The following DENND1A variants were observed in gnomAD, a reference collection of about 807,000 sequenced individuals.
DENND1A encodes the protein DENN domain containing 1A, also known as DENN domain-containing protein 1A.
In DENND1A, 51 loss-of-function variants were observed where a neutral mutation model predicts 113.7. That is an observed-to-expected ratio of 0.45 (90% CI 0.36 to 0.57). The LOEUF is 0.57. Among genes scored for constraint, DENND1A ranks in the 20% least tolerant of loss-of-function variants. The pLI is 0.00. For missense variants in DENND1A, 1,258 were observed against 1,395.9 expected, an observed-to-expected ratio of 0.90 and a Z score of 1.57; for synonymous variants, 565 against 570.8, an observed-to-expected ratio of 0.99 and a Z score of 0.14.
At chr9:123,673,483 G>C (rs1456389126) in intron 6 of DENND1A, among the ~76,000 whole-genome samples, 1 of 152,100 alleles carries the variant, frequency 6.6e-6, no homozygotes, top group African/African-American at 2.4e-5. Context: ...AGATATTTCA[G>C]GTTCATCTTA....
chr9:123,414,717 A>T (rs2044583597), intron 19 of DENND1A: 1 of 1,240,876 alleles, frequency 8.1e-7, no homozygotes, highest in African/African-American at 1.5e-5. Context: ...TGCTTTCCCT[A>T]TACCACCCAT....
intron 13 of DENND1A, among the ~76,000 whole-genome samples, chr9:123,537,756 G>A (rs2055896362): frequency 6.6e-6 from 1 of 152,108 alleles, no homozygotes; most frequent in Admixed American, 6.5e-5. Flanking sequence ...AGAAAATGAA[G>A]TAACACATTC....
intron 4 of DENND1A, among the ~76,000 whole-genome samples, chr9:123,765,581 T>C (rs1564225453): frequency 6.6e-6 from 1 of 152,150 alleles, no homozygotes; most frequent in Non-Finnish European, 1.5e-5. Flanking sequence ...GAAAATGGAA[T>C]GGTAGCTGAC....
intron 19 of DENND1A, among the ~76,000 whole-genome samples, chr9:123,436,956 C>A (rs1326500929): frequency 6.6e-6 from 1 of 152,138 alleles, no homozygotes; most frequent in African/African-American, 2.4e-5. Context: ...CCATGTTGGT[C>A]AGGCTACTGA....
At chr9:123,659,187 T>C (rs2063111240) in intron 8 of DENND1A, among the ~76,000 whole-genome samples, 1 of 152,250 alleles carries the variant, frequency 6.6e-6, no homozygotes. Flanking sequence ...AGAACAGGAT[T>C]ATCTGGTGAT....
At chr9:123,696,839 G>C (rs1033380395) in intron 5 of DENND1A, among the ~76,000 whole-genome samples, 5 of 152,138 alleles carry the variant, frequency 3.3e-5, no homozygotes, top group Admixed American at 2.0e-4. Flanking sequence ...ATAGTGATCT[G>C]ATCATGTCCT....
intron 12 of DENND1A, among the ~76,000 whole-genome samples, chr9:123,570,763 C>A (rs751977150): frequency 6.6e-6 from 1 of 152,246 alleles, no homozygotes; most frequent in East Asian, 1.9e-4. Context: ...AAGGCCTAGT[C>A]CCTCGCTTCT....
intron 20 of DENND1A, among the ~76,000 whole-genome samples, chr9:123,410,348 C>T (rs774344517): frequency 3.2e-4 from 49 of 152,170 alleles, no homozygotes; most frequent in Non-Finnish European, 2.1e-4. Context: ...CTCCTGTCCC[C>T]CAAAGCAGTT....
chr9:123,459,087 T>C (rs1001233818), intron 13 of DENND1A, among the ~76,000 whole-genome samples: 4 of 152,196 alleles, frequency 2.6e-5, no homozygotes, highest in Non-Finnish European at 5.9e-5. Context: ...GAGAATTGCT[T>C]GAACCTGGGA....
At chr9:123,483,708 C>T (rs1376584184) in intron 13 of DENND1A, among the ~76,000 whole-genome samples, 1 of 152,168 alleles carries the variant, frequency 6.6e-6, no homozygotes, top group East Asian at 1.9e-4. Flanking sequence ...CTGGCTCTGT[C>T]GCTCATTATC....
intron 13 of DENND1A, among the ~76,000 whole-genome samples, chr9:123,523,637 CA>C (rs2054572694): frequency 6.6e-6 from 1 of 152,150 alleles, no homozygotes; most frequent in Non-Finnish European, 1.5e-5. Context: ...GAAAACTAGC[CA>C]AAAACTTACA....
chr9:123,510,843 T>C (rs1208862903), intron 13 of DENND1A, among the ~76,000 whole-genome samples: 2 of 152,108 alleles, frequency 1.3e-5, no homozygotes, highest in African/African-American at 4.8e-5. Flanking sequence ...ATTTCAAAGA[T>C]GGAAAGGTTG....
intron 2 of DENND1A, among the ~76,000 whole-genome samples, chr9:123,864,586 A>C (rs1845556825): frequency 6.6e-6 from 1 of 152,162 alleles, no homozygotes; most frequent in African/African-American, 2.4e-5. Flanking sequence ...GCCTTCCTTT[A>C]AACTTTTCGT....
intron 8 of DENND1A, among the ~76,000 whole-genome samples, chr9:123,658,506 T>C (rs1344469546): frequency 6.6e-6 from 1 of 152,196 alleles, no homozygotes; most frequent in Non-Finnish European, 1.5e-5. Flanking sequence ...AGAGTGATAG[T>C]TTTTCAGTGA....
At position 123,754,134 on chromosome 9, in the gene DENND1A, T is replaced by C. The variant is rs1042242242; in HGVS notation, c.302+3569A>G. On this transcript the variant is annotated intron_variant, in intron 5 of 23. Transcript: ENST00000394215. ...GCCCTGGGCACACTGTGAAGGGTGA[T>C]TGGACCTCAAGGCACAGGTTAACTA... Among the ~76,000 whole-genome samples, 37 of 152,150 alleles carry C rather than the reference T, an allele frequency of 2.4e-4. 1 individual carries two copies. Among genetic ancestry groups the C allele is most frequent in the Non-Finnish European group, 2.9e-5 (2 of 68,026 alleles).
At chr9:123,670,767 G>A (rs987971575) in intron 7 of DENND1A, among the ~76,000 whole-genome samples, 2 of 152,192 alleles carry the variant, frequency 1.3e-5, no homozygotes, top group Non-Finnish European at 2.9e-5. Context: ...AAGATGCTTC[G>A]AGCAAAGGAG....
At chr9:123,600,193 G>T (rs752992053) in intron 11 of DENND1A, among the ~76,000 whole-genome samples, 1 of 152,134 alleles carries the variant, frequency 6.6e-6, no homozygotes, top group South Asian at 2.1e-4. Context: ...GAAAAAGGAG[G>T]GCAGAGTCAA....
chr9:123,449,470 G>A (rs578103650), intron 18 of DENND1A, among the ~76,000 whole-genome samples: 47 of 151,712 alleles, frequency 3.1e-4, no homozygotes, highest in African/African-American at 1.0e-3. Context: ...GGGAGGTGGA[G>A]GTTGCAGTGA....
intron 3 of DENND1A, among the ~76,000 whole-genome samples, chr9:123,788,745 T>A: frequency 6.6e-6 from 1 of 152,106 alleles, no homozygotes; most frequent in East Asian, 1.9e-4. Context: ...AAGAGCCACA[T>A]TACCTAAAGT....
Sources: allele counts gnomAD v4.1 joint callset (sites outside exome capture counted in the v4.1 genomes callset), GRCh38; gene constraint gnomAD v4.1.1; transcripts MANE v1.5; gene names NCBI Gene and HGNC (gene_info 2026-07-23, HGNC 2026-07-21).